DHRSX: variants seen among roughly 807,000 people sequenced by gnomAD.
The protein encoded by DHRSX is dehydrogenase/reductase X-linked, also known as polyprenol dehydrogenase.
DHRSX carries 31 observed loss-of-function variants against 34.0 expected under a neutral mutation model. The ratio of observed to expected loss-of-function variants is 0.91; its 90% CI spans 0.69 to 1.23. The LOEUF (loss-of-function observed/expected upper bound fraction) is 1.23. Among genes scored for constraint, DHRSX ranks in the 50% most tolerant of loss-of-function variants. DHRSX has a pLI of 0.00. For synonymous variants in DHRSX, 201 were observed against 183.8 expected, an observed-to-expected ratio of 1.09 and a Z score of -0.76; for missense variants, 414 against 428.1, an observed-to-expected ratio of 0.97 and a Z score of 0.29.
intron 1 of DHRSX, among the ~76,000 whole-genome samples, chrX:2,463,851 G>T (rs28436224): frequency 0.44 from 67,103 of 151,930 alleles, 15,145 homozygotes; most frequent in South Asian, 0.55. Flanking sequence ...ACACAGACAC[G>T]CAGAAGAATG....
chrX:2,225,512 T>A (rs2015637813), intron 6 of DHRSX, among the ~76,000 whole-genome samples: 1 of 152,222 alleles, frequency 6.6e-6, no homozygotes, highest in Admixed American at 6.5e-5. Flanking sequence ...TTTATCCTAA[T>A]ATTGCAAAAT....
intron 5 of DHRSX, among the ~76,000 whole-genome samples, chrX:2,256,948 C>T (rs1324416213): frequency 6.6e-6 from 1 of 152,060 alleles, no homozygotes; most frequent in East Asian, 1.9e-4. Context: ...ATCTTCATTT[C>T]TTTTTTCTTT....
chrX:2,478,523 T>C (rs2044716018), intron 1 of DHRSX, among the ~76,000 whole-genome samples: 1 of 150,880 alleles, frequency 6.6e-6, no homozygotes, highest in Non-Finnish European at 1.5e-5. Context: ...TCTCTAAGCA[T>C]GCGGCCAAGG....
At chrX:2,369,371 AC>A (rs2043030489) in intron 3 of DHRSX, among the ~76,000 whole-genome samples, 1 of 152,208 alleles carries the variant, frequency 6.6e-6, no homozygotes, top group Non-Finnish European at 1.5e-5. Flanking sequence ...ATTTTGAAGA[AC>A]TTCATTGAAT....
At chrX:2,264,672 A>G (rs1023919210) in intron 5 of DHRSX, among the ~76,000 whole-genome samples, 11 of 149,984 alleles carry the variant, frequency 7.3e-5, no homozygotes, top group Admixed American at 5.3e-4. Context: ...AGATCCAGGG[A>G]GCACCATTTC....
intron 1 of DHRSX, among the ~76,000 whole-genome samples, chrX:2,433,144 A>G (rs975403436): frequency 6.6e-6 from 1 of 152,122 alleles, no homozygotes; most frequent in African/African-American, 2.4e-5. Flanking sequence ...TAAAAAACAA[A>G]ACAAATCTCC....
At chrX:2,415,345 C>T (rs1438385659) in intron 2 of DHRSX, among the ~76,000 whole-genome samples, 3 of 151,848 alleles carry the variant, frequency 2.0e-5, no homozygotes, top group African/African-American at 7.3e-5. Flanking sequence ...ACATGACCAA[C>T]CAACTAGATC....
intron 2 of DHRSX, among the ~76,000 whole-genome samples, chrX:2,412,387 T>A (rs1278258611): frequency 6.6e-6 from 1 of 152,130 alleles, no homozygotes; most frequent in Non-Finnish European, 1.5e-5. Context: ...CCCGGCCTGG[T>A]TTTTTTCACA....
chrX:2,470,993 G>C (rs2044583859), intron 1 of DHRSX, among the ~76,000 whole-genome samples: 1 of 152,162 alleles, frequency 6.6e-6, no homozygotes, highest in Non-Finnish European at 1.5e-5. Context: ...TAATGTGATT[G>C]TTAATATGGT....
rs764678465 is a variant in DHRSX, at chrX:2,241,160, G to A, written c.804+1863C>T. 3.3e-4 allele frequency among the ~76,000 whole-genome samples: 50 copies of A among 152,292 alleles called. No homozygotes were observed. The South Asian group carries it at 9.7e-3, about 30-fold the overall frequency. ...GATCACACCACGGCACTCCAGCCTG[G>A]TGATAGAGCTAGACTCCATCTCAAA... On this transcript the variant is annotated intron_variant, in intron 6 of 6. Coordinates refer to ENST00000334651, the MANE Select transcript of DHRSX (RefSeq NM_145177.3).
chrX:2,221,287 G>A, intron 6 of DHRSX, 58 bp from the exon 7 acceptor site: 8 of 1,547,374 alleles, frequency 5.2e-6, no homozygotes, highest in Non-Finnish European at 7.1e-6. Flanking sequence ...GGAAACAGGA[G>A]TCTCAGGACT....
At chrX:2,353,210 C>T (rs1448359605) in intron 3 of DHRSX, among the ~76,000 whole-genome samples, 2 of 152,128 alleles carry the variant, frequency 1.3e-5, no homozygotes, top group Admixed American at 6.6e-5. Context: ...CACTATTACA[C>T]TTCAGCCTGG....
intron 3 of DHRSX, among the ~76,000 whole-genome samples, chrX:2,354,068 C>T (rs1417784751): frequency 2.0e-5 from 3 of 152,200 alleles, no homozygotes; most frequent in East Asian, 3.9e-4. Context: ...CACAGGGCCT[C>T]GCCTGAGTAT....
At chrX:2,246,223 A>C (rs976479686) in intron 5 of DHRSX, among the ~76,000 whole-genome samples, 4 of 152,228 alleles carry the variant, frequency 2.6e-5, no homozygotes, top group Non-Finnish European at 5.9e-5. Flanking sequence ...AGAATGTTTA[A>C]CACATTCAAA....
At chrX:2,374,192 C>G (rs2043113691) in intron 3 of DHRSX, among the ~76,000 whole-genome samples, 1 of 152,164 alleles carries the variant, frequency 6.6e-6, no homozygotes, top group African/African-American at 2.4e-5. Flanking sequence ...GTCTCAGCCT[C>G]TGGAATTGCT....
intron 3 of DHRSX, among the ~76,000 whole-genome samples, chrX:2,394,080 G>C (rs917487643): frequency 2.0e-5 from 3 of 152,218 alleles, no homozygotes; most frequent in African/African-American, 4.8e-5. Flanking sequence ...CTGTGGGCAA[G>C]ATGGGTTGGC....
intron 1 of DHRSX, chrX:2,488,563 C>T (rs760651828): frequency 4.9e-5 from 74 of 1,502,356 alleles, no homozygotes; most frequent in East Asian, 9.2e-5. Flanking sequence ...CCAAGCTGAC[C>T]GGGTAAGTAT....
rs1251989432 is a variant in DHRSX, at chrX:2,231,997, TTCC to T, written c.805-10771_805-10769del. Among the ~76,000 whole-genome samples the T allele has an allele frequency of 6.6e-5, 10 of 150,466 alleles. No homozygotes were observed. In the East Asian group the frequency reaches 1.8e-3, roughly 26 times the overall value. On this transcript the variant is annotated intron_variant, in intron 6 of 6. Transcript: ENST00000334651. ...TTTCCTTTTCTCTATTCCTCCCTTT[TTCC>T]TCCTCCTTCATCTTCTCCTCCTTCT...
At chrX:2,495,400 A>G (rs1184231739) in intron 1 of DHRSX, among the ~76,000 whole-genome samples, 6 of 151,994 alleles carry the variant, frequency 3.9e-5, no homozygotes, top group South Asian at 2.1e-4. Flanking sequence ...AAAGGTTTCT[A>G]TTCTATTATG....
Sources: allele counts gnomAD v4.1 joint callset (sites outside exome capture counted in the v4.1 genomes callset), GRCh38; gene constraint gnomAD v4.1.1; transcripts MANE v1.5; gene names NCBI Gene and HGNC (gene_info 2026-07-23, HGNC 2026-07-21).